The following ATAD2 variants were observed in gnomAD, a reference collection of about 807,000 sequenced individuals.
ATAD2 encodes ATPase family AAA domain-containing protein 2.
In ATAD2, 62 loss-of-function variants were observed where a neutral mutation model predicts 168.9. The observed-to-expected ratio is 0.37, with a 90% confidence interval of 0.30 to 0.45. The LOEUF is 0.45. Among genes scored for constraint, ATAD2 ranks in the 20% least tolerant of loss-of-function variants. The probability of loss-of-function intolerance (pLI) is 1.00; values close to 1 mark genes in which losing one functional copy is unlikely to be tolerated. For synonymous variants in ATAD2, 613 were observed against 571.6 expected, an observed-to-expected ratio of 1.07 and a Z score of -1.03; for missense variants, 1,419 against 1,667.8, an observed-to-expected ratio of 0.85 and a Z score of 2.60.
chr8:123,333,944 T>C lies in ATAD2; in HGVS notation c.3412A>G (p.Arg1138Gly). The change falls in exon 24 of 28, where the codon AGA becomes GGA. Residue 1138 changes from arginine to glycine, a missense_variant. Transcript: ENST00000287394. Reference protein sequence around the residue: ...KQNSTLVGDKRSDPEQNEKLK... With the variant: ...KQNSTLVGDKGSDPEQNEKLK... ...TTTTCATTCTGCTCTGGGTCTGATC[T>C]TTTATCACCAACAAGAGTGGAATTT... 1 of 1,614,184 alleles carries C rather than the reference T, an allele frequency of 6.2e-7. No homozygotes were observed. The highest frequency in any genetic ancestry group is 8.5e-7 in the Non-Finnish European group (1 of 1,180,024).
chr8:123,396,250 C>G lies in ATAD2; in HGVS notation c.108G>C (p.Arg36=). Residue 36 remains arginine, a synonymous_variant, in exon 1 of 28, where the codon CGG becomes CGC. Coordinates refer to ENST00000287394, the MANE Select transcript of ATAD2 (RefSeq NM_014109.4). ...CCGCGCCGGCCGAGCGGAGCCGCCT[C>G]CGGCCGATGTGCTCCAGACTGAGGA... ...SDFLSLEHIG[R]RRLRSAGAAQ... 1 of 1,608,954 alleles carries G rather than the reference C, an allele frequency of 6.2e-7. No individual in the cohort carries two copies. Among genetic ancestry groups the G allele is most frequent in the Non-Finnish European group, 8.5e-7 (1 of 1,179,094 alleles).
At chr8:123,379,770 A>G (rs1221149056) in intron 2 of ATAD2, among the ~76,000 whole-genome samples, 1 of 151,292 alleles carries the variant, frequency 6.6e-6, no homozygotes, top group Non-Finnish European at 1.5e-5. Context: ...GGGTTTCACC[A>G]TATTGGCCCG....
At chr8:123,382,788 G>T (rs1015908541) in intron 1 of ATAD2, among the ~76,000 whole-genome samples, 1 of 152,150 alleles carries the variant, frequency 6.6e-6, no homozygotes, top group Non-Finnish European at 1.5e-5. Context: ...ACAGTGTGGC[G>T]ATTCCTCAAG....
chr8:123,372,741 T>C, intron 2 of ATAD2, 55 bp from the exon 3 acceptor site: 1 of 1,401,260 alleles, frequency 7.1e-7, no homozygotes, highest in Non-Finnish European at 9.7e-7. Flanking sequence ...TTTATTTTTA[T>C]TTATTTAGAT....
chr8:123,341,380 C>T (rs1828057264), intron 19 of ATAD2, among the ~76,000 whole-genome samples: 2 of 152,120 alleles, frequency 1.3e-5, no homozygotes, highest in Admixed American at 6.6e-5. Context: ...ACTTGTTACC[C>T]GGAGCATAAA....
chr8:123,382,042 T>A (rs543874038), intron 1 of ATAD2, among the ~76,000 whole-genome samples: 1 of 151,146 alleles, frequency 6.6e-6, no homozygotes, highest in Non-Finnish European at 1.5e-5. Flanking sequence ...CAAGACTCCA[T>A]CACAAACAAA....
intron 8 of ATAD2, among the ~76,000 whole-genome samples, chr8:123,362,556 C>G (rs1159037569): frequency 2.6e-5 from 4 of 151,378 alleles, no homozygotes; most frequent in Non-Finnish European, 5.9e-5. Context: ...GCTGGGATTA[C>G]AGGTATGAGC....
upstream of ATAD2, chr8:123,401,382 C>A: frequency 7.1e-7 from 1 of 1,410,174 alleles, no homozygotes; most frequent in Non-Finnish European, 1.0e-6. Flanking sequence ...GTGTCGACGT[C>A]ATAGTCTTGG....
intron 1 of ATAD2, among the ~76,000 whole-genome samples, chr8:123,382,851 A>G (rs947290367): frequency 5.3e-5 from 8 of 152,196 alleles, no homozygotes; most frequent in African/African-American, 1.9e-4. Context: ...TTGTGTATAT[A>G]CCCAAGGGAT....
At position 123,396,321 on chromosome 8, in the gene ATAD2, G is replaced by A. The variant is rs767100869; in HGVS notation, c.37C>T (p.His13Tyr). 4 of 1,607,332 alleles carry A rather than the reference G, an allele frequency of 2.5e-6. No individual in the cohort carries two copies. The highest frequency in any genetic ancestry group is 4.5e-5 in the East Asian group (2 of 44,452). ...GAGCCCGTGGCCGAGGCCGCGGAGT[G>A]GTTGTGCAGCTCCAAGCTGCTGCGG... ...VLRSSLELHNHSAASATGSLD... is the reference protein window; with the variant it reads ...VLRSSLELHNYSAASATGSLD... The change falls in exon 1 of 28, where the codon CAC (histidine) becomes TAC (tyrosine). Residue 13 changes from histidine to tyrosine, a missense_variant. Coordinates refer to ENST00000287394, the MANE Select transcript of ATAD2 (RefSeq NM_014109.4).
At chr8:123,381,055 A>G (rs1435467733) in intron 1 of ATAD2, 1 of 166,182 alleles carries the variant, frequency 6.0e-6, no homozygotes, top group East Asian at 1.8e-4. Context: ...AAAGATACAG[A>G]CTCACCAAAA....
chr8:123,325,037 T>C (rs1222143135), intron 26 of ATAD2, among the ~76,000 whole-genome samples: 3 of 151,710 alleles, frequency 2.0e-5, no homozygotes, highest in Admixed American at 6.6e-5. Flanking sequence ...CAGTGAGACT[T>C]TGTCTATTTT....
chr8:123,359,161 A>G, intron 11 of ATAD2, 60 bp downstream of exon 11: 1 of 1,271,436 alleles, frequency 7.9e-7, no homozygotes, highest in Non-Finnish European at 1.1e-6. Context: ...AGGTATAAGA[A>G]CTACAAGAAG....
At chr8:123,367,172 G>A (rs1250665325) in intron 8 of ATAD2, among the ~76,000 whole-genome samples, 1 of 152,060 alleles carries the variant, frequency 6.6e-6, no homozygotes, top group East Asian at 1.9e-4. Flanking sequence ...CCCACCACTT[G>A]GGAGGCCAAG....
chr8:123,360,181 T>C (rs1285723440), intron 9 of ATAD2, among the ~76,000 whole-genome samples: 1 of 152,198 alleles, frequency 6.6e-6, no homozygotes, highest in Non-Finnish European at 1.5e-5. Flanking sequence ...ACCCAACTAG[T>C]AAATGGCAGG....
chr8:123,368,361 T>C (rs1313224718), intron 8 of ATAD2, among the ~76,000 whole-genome samples: 1 of 152,152 alleles, frequency 6.6e-6, no homozygotes, highest in African/African-American at 2.4e-5. Flanking sequence ...GAGGTTGCAG[T>C]AAGCCAAGAT....
At chr8:123,323,916 T>TA (rs1827540388) in intron 26 of ATAD2, among the ~76,000 whole-genome samples, 2 of 152,102 alleles carry the variant, frequency 1.3e-5, no homozygotes, top group African/African-American at 4.8e-5. Context: ...AGTAATGAAT[T>TA]TAATTGACTC....
rs1215208368 is a variant in ATAD2 at position 123,402,965 on chromosome 8, A to G, written c.-2281-1790T>C. Among the ~76,000 whole-genome samples, 1 of 152,196 alleles carries G rather than the reference A, an allele frequency of 6.6e-6. No individual in the cohort carries two copies. The highest frequency in any genetic ancestry group is 6.5e-5 in the Admixed American group (1 of 15,272). ...AAGTCTCCTGGTGATTCTTATCCAC[A>G]GAGTGATTTGTGTCGCGCTGTTCTG... On this transcript the variant is annotated intron_variant, in intron 1 of 28. Transcript: ENST00000521903. The surrounding 1 kb of genome is among the most constrained non-coding windows in gnomAD (Gnocchi z 4.8).
chr8:123,392,200 CA>C (rs139408856), intron 1 of ATAD2, among the ~76,000 whole-genome samples: 14 of 149,712 alleles, frequency 9.4e-5, no homozygotes, highest in South Asian at 4.2e-4. Context: ...ATAACATTGC[CA>C]AAAAAAAAGT....
Sources: gnomAD v4.1 joint callset for allele counts (sites outside exome capture counted in the v4.1 genomes callset) on GRCh38, gnomAD v4.1.1 for gene constraint, Gnocchi (gnomAD v3.1) non-coding constraint, MANE v1.5 for transcripts, NCBI Gene and HGNC (gene_info 2026-07-23, HGNC 2026-07-21) for gene names.